The following SORCS3 variants were observed in gnomAD, a reference collection of about 807,000 sequenced individuals.
SORCS3 encodes sortilin related VPS10 domain containing receptor 3.
In SORCS3, 57 loss-of-function variants were observed where a neutral mutation model predicts 146.3. The observed-to-expected ratio is 0.39, with a 90% confidence interval of 0.31 to 0.49. The LOEUF is 0.49. Among genes scored for constraint, SORCS3 ranks in the 20% least tolerant of loss-of-function variants. SORCS3 has a pLI of 0.92. For synonymous variants in SORCS3, 653 were observed against 618.5 expected (o/e 1.06, Z -0.83); for missense variants, 1,341 against 1,575.5 (o/e 0.85, Z 2.52).
intron 1 of SORCS3, among the ~76,000 whole-genome samples, chr10:104,794,578 A>G (rs1453773773): frequency 6.8e-6 from 1 of 147,774 alleles, no homozygotes; most frequent in Non-Finnish European, 1.5e-5. Context: ...AGGGATATCA[A>G]GGTAGATAGG....
At chr10:104,974,201 T>A (rs1331346804) in intron 3 of SORCS3, among the ~76,000 whole-genome samples, 1 of 152,200 alleles carries the variant, frequency 6.6e-6, no homozygotes, top group Admixed American at 6.5e-5. Context: ...TCTGTAGATG[T>A]CTATTAGGTC....
intron 3 of SORCS3, among the ~76,000 whole-genome samples, chr10:104,918,748 G>C (rs527799717): frequency 6.6e-6 from 1 of 152,292 alleles, no homozygotes; most frequent in East Asian, 1.9e-4. Context: ...GGCGAAGCAA[G>C]AACTGGATAT....
chr10:104,927,205 C>A (rs898627646), intron 3 of SORCS3, among the ~76,000 whole-genome samples: 1 of 152,206 alleles, frequency 6.6e-6, no homozygotes, highest in African/African-American at 2.4e-5. Context: ...ATGTCTGTTT[C>A]TCTTCCGTGT....
chr10:105,100,625 C>G (rs988112416), intron 6 of SORCS3, among the ~76,000 whole-genome samples: 1 of 152,202 alleles, frequency 6.6e-6, no homozygotes, highest in Non-Finnish European at 1.5e-5. Context: ...CATATACTTT[C>G]TTTCTTGTCC....
intron 8 of SORCS3, among the ~76,000 whole-genome samples, chr10:105,146,727 A>G (rs2056133870): frequency 6.6e-6 from 1 of 152,128 alleles, no homozygotes; most frequent in Non-Finnish European, 1.5e-5. Flanking sequence ...TCTGAAACAG[A>G]TTGATAAACT....
At chr10:105,045,518 TAC>T (rs2055365768) in intron 5 of SORCS3, among the ~76,000 whole-genome samples, 1 of 152,108 alleles carries the variant, frequency 6.6e-6, no homozygotes. Context: ...GAGCTTATTT[TAC>T]ATAGACATTT....
At chr10:104,879,082 G>A (rs1277576257) in intron 2 of SORCS3, among the ~76,000 whole-genome samples, 1 of 152,200 alleles carries the variant, frequency 6.6e-6, no homozygotes, top group Non-Finnish European at 1.5e-5. Context: ...CTTTAGGATG[G>A]ACAGATTATG....
At chr10:105,008,927 A>G (rs1420426756) in intron 4 of SORCS3, among the ~76,000 whole-genome samples, 2 of 152,198 alleles carry the variant, frequency 1.3e-5, no homozygotes, top group Admixed American at 6.5e-5. Context: ...GATTACAGGC[A>G]TGAGCCACTG....
chr10:104,709,894 TG>T (rs2016391943), intron 1 of SORCS3, among the ~76,000 whole-genome samples: 1 of 151,666 alleles, frequency 6.6e-6, no homozygotes, highest in African/African-American at 2.4e-5. Context: ...GCAGTGGTGT[TG>T]GTTTTTTTTT....
intron 1 of SORCS3, among the ~76,000 whole-genome samples, chr10:104,770,880 A>G (rs1276267798): frequency 6.6e-6 from 1 of 152,198 alleles, no homozygotes; most frequent in Non-Finnish European, 1.5e-5. Flanking sequence ...ATTATTTTTA[A>G]TAATTTACTT....
At chr10:104,979,703 A>G (rs2054921912) in intron 4 of SORCS3, among the ~76,000 whole-genome samples, 1 of 152,194 alleles carries the variant, frequency 6.6e-6, no homozygotes, top group Non-Finnish European at 1.5e-5. Flanking sequence ...AAGGACACCC[A>G]CATGACATTT....
chr10:104,686,696 C>G (rs572527986), intron 1 of SORCS3, among the ~76,000 whole-genome samples: 2 of 151,996 alleles, frequency 1.3e-5, no homozygotes, highest in African/African-American at 4.8e-5. Flanking sequence ...TCCCTCTTCC[C>G]TCCTTGTCAT....
At chr10:104,927,166 A>T (rs529601281) in intron 3 of SORCS3, among the ~76,000 whole-genome samples, 39 of 152,354 alleles carry the variant, frequency 2.6e-4, no homozygotes, top group African/African-American at 8.7e-4. Context: ...AAGTATTATG[A>T]AAACTTGAGA....
chr10:104,831,747 C>G (rs555120726), intron 1 of SORCS3, among the ~76,000 whole-genome samples: 1 of 152,164 alleles, frequency 6.6e-6, no homozygotes, highest in Non-Finnish European at 1.5e-5. Flanking sequence ...TTCAAAAGAC[C>G]AGTGTAGGTT....
intron 1 of SORCS3, among the ~76,000 whole-genome samples, chr10:104,747,737 GT>G (rs2016927912): frequency 6.6e-6 from 1 of 152,210 alleles, no homozygotes; most frequent in African/African-American, 2.4e-5. Context: ...ACCTAGCACA[GT>G]TCCTGGCATG....
chr10:105,262,911 T>A (rs1589716999), intron 26 of SORCS3, among the ~76,000 whole-genome samples: 1 of 152,262 alleles, frequency 6.6e-6, no homozygotes, highest in East Asian at 1.9e-4. Flanking sequence ...ATCGGTGAAA[T>A]GGGAGTAGTA....
At chr10:105,053,294 CT>C (rs1349431800) in intron 5 of SORCS3, among the ~76,000 whole-genome samples, 1 of 151,834 alleles carries the variant, frequency 6.6e-6, no homozygotes, top group Non-Finnish European at 1.5e-5. Context: ...CAGGGAACAA[CT>C]TGGGAAGGAA....
At chr10:105,256,786 C>T (rs1426103923) in intron 24 of SORCS3, 33 bp from the exon 25 acceptor site, 4 of 1,543,486 alleles carry the variant, frequency 2.6e-6, no homozygotes, top group Non-Finnish European at 2.7e-6. Context: ...GTGAGCATAT[C>T]TGTTCTTTTC....
chr10:105,028,967 A>G (rs1326834159), intron 4 of SORCS3, among the ~76,000 whole-genome samples: 2 of 152,202 alleles, frequency 1.3e-5, no homozygotes, highest in African/African-American at 4.8e-5. Flanking sequence ...TTTATTGGCC[A>G]TCAGATCTCT....
Sources: allele counts gnomAD v4.1 joint callset (sites outside exome capture counted in the v4.1 genomes callset), GRCh38; gene constraint gnomAD v4.1.1; transcripts MANE v1.5; gene names NCBI Gene and HGNC (gene_info 2026-07-23, HGNC 2026-07-21).